Variants in TCEA1 observed in about 807,000 individuals in gnomAD.
TCEA1 encodes transcription elongation factor A1, also known as transcription elongation factor A protein 1.
A neutral mutation model predicts 43.8 loss-of-function variants in TCEA1; 21 were observed. The ratio of observed to expected loss-of-function variants is 0.48; its 90% CI spans 0.34 to 0.69. TCEA1 has a LOEUF of 0.69. Ranked by LOEUF, TCEA1 falls within the 30% of genes least tolerant of loss-of-function variation. TCEA1 has a pLI of 0.01. For synonymous variants in TCEA1, 104 were observed against 117.5 expected (o/e 0.88, Z 0.75); for missense variants, 250 against 365.1 (o/e 0.68, Z 2.57).
At chr8:54,009,583 C>T (rs1028382949) in intron 2 of TCEA1, among the ~76,000 whole-genome samples, 1 of 152,142 alleles carries the variant, frequency 6.6e-6, no homozygotes, top group Non-Finnish European at 1.5e-5. Context: ...ACAAATACCA[C>T]GTTCTCACTC....
intron 4 of TCEA1, among the ~76,000 whole-genome samples, chr8:53,989,031 G>A (rs12676510): frequency 0.2 from 30,416 of 150,970 alleles, 4,340 homozygotes; most frequent in East Asian, 0.73. Flanking sequence ...CTGCACCACT[G>A]CACTCCAGCC....
chr8:54,022,016 A>ACCGCGGCCCGGCCTCCCTCCCGGC, intron 1 of TCEA1, 47 bp downstream of exon 1: 1 of 1,528,842 alleles, frequency 6.5e-7, no homozygotes. Context: ...CTCGGGCCGG[A>ACCGCGGCCCGGCCTCCCTCCCGGC]CCGCGGCCCG....
intron 7 of TCEA1, among the ~76,000 whole-genome samples, chr8:53,981,332 G>GA (rs1175249078): frequency 6.6e-6 from 1 of 152,202 alleles, no homozygotes; most frequent in Admixed American, 6.5e-5. Flanking sequence ...CTAAAGAGAA[G>GA]AAGTCAACGC....
At chr8:53,984,925 C>T (rs1803641755) in intron 6 of TCEA1, among the ~76,000 whole-genome samples, 1 of 151,872 alleles carries the variant, frequency 6.6e-6, no homozygotes, top group African/African-American at 2.4e-5. Context: ...TTCACGACAA[C>T]TGTTTCCAAT....
chr8:53,972,525 G>A (rs1288435555), intron 8 of TCEA1: 2 of 541,856 alleles, frequency 3.7e-6, no homozygotes, highest in Non-Finnish European at 7.4e-6. Context: ...TTGCAACATG[G>A]ACTGGGATAG....
chr8:54,014,135 A>G (rs1361681083), intron 1 of TCEA1, among the ~76,000 whole-genome samples: 1 of 152,230 alleles, frequency 6.6e-6, no homozygotes, highest in African/African-American at 2.4e-5. Flanking sequence ...AGAAAAGAAA[A>G]GTGACTTGCC....
rs190781971 is a variant in TCEA1, at chr8:53,988,210, C to T, written c.370G>A (p.Asp124Asn). ...SNRKDETNAR[D>N]TYVSSFPRAP... Reference sequence around the variant, plus strand: ...CGAGGAAAGGATGAAACATAAGTATCTCGAGCATTTGTCTCATCCTTTCTG... The same window carrying T: ...CGAGGAAAGGATGAAACATAAGTATTTCGAGCATTTGTCTCATCCTTTCTG... The change falls in exon 5 of 10, where the codon GAT (aspartate) becomes AAT (asparagine). Residue 124 changes from aspartate to asparagine, a missense_variant. Asp to Asn is a conservative substitution (Grantham distance 23). This residue lies in a region of TCEA1 where 147 missense variants were observed against 160.3 expected (regional missense o/e 0.92). Coordinates refer to ENST00000521604, the MANE Select transcript of TCEA1 (RefSeq NM_006756.4). 5,314 of 1,613,466 alleles carry T rather than the reference C, an allele frequency of 3.3e-3. 16 individuals carry two copies. The highest frequency in any genetic ancestry group is 3.8e-3 in the Non-Finnish European group (4,436 of 1,179,672).
chr8:53,983,008 T>TAAAACAAC (rs1803562297), intron 7 of TCEA1, among the ~76,000 whole-genome samples: 1 of 152,194 alleles, frequency 6.6e-6, no homozygotes, highest in East Asian at 1.9e-4. Context: ...AATCTCACTG[T>TAAAACAAC]TGTCTTATTT....
chr8:53,972,498 AC>A, intron 8 of TCEA1: 1 of 534,298 alleles, frequency 1.9e-6, no homozygotes, highest in Non-Finnish European at 3.8e-6. Context: ...TGATGACATT[AC>A]ACATTAATTA....
At chr8:53,970,280 T>C (rs547458900) in intron 9 of TCEA1, 112 bp downstream of exon 9, 10 of 783,050 alleles carry the variant, frequency 1.3e-5, no homozygotes, top group African/African-American at 1.2e-4. Flanking sequence ...GAGTACTGTA[T>C]AGTGTGAGCA....
At chr8:53,997,652 CTT>C (rs1804102682) in intron 3 of TCEA1, among the ~76,000 whole-genome samples, 1 of 152,212 alleles carries the variant, frequency 6.6e-6, no homozygotes. Context: ...AAACCTAACA[CTT>C]TGGGAGGCCA....
Position 53,988,149 on chromosome 8 carries a change from C to T in TCEA1, c.431G>A (p.Cys144Tyr). ...PSTSDSVRLK[C>Y]REMLAAALRT... ...AAGAGCTGCAGCAAGCATCTCCCTA[C>T]ACTTCAACCGCACAGAATCAGAAGT... is the stretch of plus-strand genomic sequence containing the variant. The change falls in exon 5 of 10, where the codon TGT becomes TAT. Residue 144 changes from cysteine (C) to tyrosine (Y), a missense_variant. By Grantham distance (194) the Cys-to-Tyr change is radical. Coordinates refer to ENST00000521604, the MANE Select transcript of TCEA1 (RefSeq NM_006756.4). 2 of 1,612,494 alleles carry T rather than the reference C, an allele frequency of 1.2e-6. No individual in the cohort carries two copies. Among genetic ancestry groups the T allele is most frequent in the Non-Finnish European group, 1.7e-6 (2 of 1,179,598 alleles).
At chr8:54,015,902 C>T (rs779348838) in intron 1 of TCEA1, among the ~76,000 whole-genome samples, 3 of 152,128 alleles carry the variant, frequency 2.0e-5, no homozygotes, top group Non-Finnish European at 4.4e-5. Context: ...AGAAGATATG[C>T]AAATGGCCAC....
chr8:54,012,070 T>G (rs747694438), intron 1 of TCEA1, among the ~76,000 whole-genome samples: 1 of 152,184 alleles, frequency 6.6e-6, no homozygotes, highest in Non-Finnish European at 1.5e-5. Flanking sequence ...TAAACAAGCA[T>G]TTCTACAGGT....
intron 7 of TCEA1, among the ~76,000 whole-genome samples, chr8:53,980,297 G>A (rs140795234): frequency 4.1e-4 from 62 of 152,308 alleles, no homozygotes; most frequent in African/African-American, 1.2e-3. Flanking sequence ...ATCTTCTCAC[G>A]CCAGTTTTTA....
chr8:53,994,830 CACTGCACTCCAGCCTGGGCA>C (rs1554531529), intron 3 of TCEA1, among the ~76,000 whole-genome samples: 5 of 150,932 alleles, frequency 3.3e-5, no homozygotes, highest in Non-Finnish European at 7.4e-5. Context: ...GAGATCATAC[CACTGCACTCCAGCCTGGGCA>C]ACAGAACAAG....
intron 1 of TCEA1, 26 bp downstream of exon 1, chr8:54,022,037 C>G: frequency 1.3e-6 from 2 of 1,575,262 alleles, no homozygotes; most frequent in African/African-American, 1.4e-5. Context: ...GCCTCCCTCC[C>G]GGCCCGCGCC....
intron 1 of TCEA1, among the ~76,000 whole-genome samples, chr8:54,018,829 G>A (rs1384445514): frequency 6.6e-6 from 1 of 152,118 alleles, no homozygotes; most frequent in Non-Finnish European, 1.5e-5. Flanking sequence ...CTTACTTCCT[G>A]ATTTTGTATT....
intron 2 of TCEA1, among the ~76,000 whole-genome samples, chr8:54,006,414 G>A (rs928233204): frequency 5.9e-5 from 9 of 152,114 alleles, no homozygotes; most frequent in Non-Finnish European, 8.8e-5. Context: ...GGGAGGTGGA[G>A]GTTGCAGTGA....
Sources: gnomAD v4.1 joint callset for allele counts (sites outside exome capture counted in the v4.1 genomes callset) on GRCh38, gnomAD v4.1.1 for gene constraint, gnomAD v4.1.1 regional missense constraint, MANE v1.5 for transcripts, NCBI Gene and HGNC (gene_info 2026-07-23, HGNC 2026-07-21) for gene names.